Variants in BPIFA3 observed in about 807,000 individuals in gnomAD.
BPIFA3 encodes BPI fold containing family A member 3.
BPIFA3 carries 32 observed loss-of-function variants against 29.7 expected under a neutral mutation model. The observed-to-expected ratio is 1.08, with a 90% CI of 0.81 to 1.45. BPIFA3 has a LOEUF of 1.45. Among genes scored for constraint, BPIFA3 ranks in the 40% most tolerant of loss-of-function variants. BPIFA3 has a pLI of 0.00. For missense variants in BPIFA3, 323 were observed against 311.3 expected, an observed-to-expected ratio of 1.04 and a Z score of -0.28; for synonymous variants, 112 against 113.7, an observed-to-expected ratio of 0.98 and a Z score of 0.10.
chr20:33,226,767 T>A, intron 5 of BPIFA3, 163 bp from the exon 6 acceptor site: 1 of 718,598 alleles, frequency 1.4e-6, no homozygotes, highest in Non-Finnish European at 2.4e-6. Context: ...CGAAGTGTTG[T>A]GCATGACACT....
intron 2 of BPIFA3, 130 bp from the exon 3 acceptor site, chr20:33,224,225 T>C: frequency 2.3e-6 from 2 of 860,862 alleles, no homozygotes; most frequent in East Asian, 5.2e-5. Context: ...AGAGCATCTG[T>C]AAAAGAATCA....
chr20:33,220,914 T>TGTGG (rs1555792988), intron 1 of BPIFA3, among the ~76,000 whole-genome samples: 1 of 152,228 alleles, frequency 6.6e-6, no homozygotes, highest in Non-Finnish European at 1.5e-5. Flanking sequence ...GTAAATTTTC[T>TGTGG]GTGGGTTTTT....
chr20:33,225,179 C>G lies in BPIFA3; in HGVS notation c.468C>G (p.Gly156=). 6.2e-7 allele frequency: 1 copy of G among 1,614,124 alleles called. No homozygotes were observed. The highest frequency in any genetic ancestry group is 8.5e-7 in the Non-Finnish European group (1 of 1,180,016). The change falls in exon 4 of 7, where the codon GGC becomes GGG. Residue 156 remains glycine (G), a synonymous_variant. Transcript: ENST00000375454. ...VEFWLEKDEF[G]RRDLVIGKCD... is the part of the protein sequence containing the mutation. ...TCTGGCTGGAGAAAGACGAGTTTGG[C>G]CGGAGGGATCTGGTGATAGGCAAAT...
At chr20:33,223,756 C>T (rs1168544660) in intron 1 of BPIFA3, 55 bp from the exon 2 acceptor site, 10 of 1,569,630 alleles carry the variant, frequency 6.4e-6, no homozygotes, top group Non-Finnish European at 8.7e-6. Flanking sequence ...GAATCCCAAG[C>T]CCCCCACCTT....
intron 1 of BPIFA3, among the ~76,000 whole-genome samples, chr20:33,222,645 T>TGGAC (rs1985581127): frequency 6.8e-6 from 1 of 146,056 alleles, no homozygotes; most frequent in African/African-American, 2.7e-5. Context: ...AATGGATGGA[T>TGGAC]GGATGGATGG....
chr20:33,221,996 C>T (rs1430720214), intron 1 of BPIFA3, among the ~76,000 whole-genome samples: 1 of 152,174 alleles, frequency 6.6e-6, no homozygotes, highest in Non-Finnish European at 1.5e-5. Context: ...TGCAGTAACC[C>T]AGAGTTCTCA....
At chr20:33,223,740 G>A (rs1407224053) in intron 1 of BPIFA3, 71 bp from the exon 2 acceptor site, 10 of 1,541,968 alleles carry the variant, frequency 6.5e-6, no homozygotes, top group Admixed American at 1.8e-5. Context: ...TGCAACCCAG[G>A]CCTCCGAATC....
At position 33,223,928 on chromosome 20, in the gene BPIFA3, G is replaced by C. The variant is rs112370343; in HGVS notation, c.245G>C (p.Ser82Thr). The C allele has an allele frequency of 4.6e-5, 75 of 1,614,180 alleles. No individual in the cohort carries two copies. In the African/African-American group the frequency reaches 5.5e-4, roughly 12 times the overall value. Reference protein sequence around the residue: ...VAPGLVGWLISGRKHQQQQES... With the variant: ...VAPGLVGWLITGRKHQQQQES... ...CCAGGGCTGGTGGGCTGGCTAATCA[G>C]CGGCAGGAAACACCAGCAGCAGCAA... The change falls in exon 2 of 7, where the codon AGC becomes ACC. Residue 82 changes from serine to threonine, a missense_variant. Ser to Thr is a moderately conservative substitution (Grantham distance 58). Coordinates refer to ENST00000375454, the MANE Select transcript of BPIFA3 (RefSeq NM_178466.5).
chr20:33,225,070 C>G, intron 3 of BPIFA3, 28 bp from the exon 4 acceptor site: 1 of 1,607,408 alleles, frequency 6.2e-7, no homozygotes, highest in African/African-American at 1.3e-5. Context: ...TCCCCTTGCC[C>G]TTCCTCCTCT....
chr20:33,221,288 G>T (rs1006103355), intron 1 of BPIFA3, among the ~76,000 whole-genome samples: 1 of 151,928 alleles, frequency 6.6e-6, no homozygotes, highest in Non-Finnish European at 1.5e-5. Context: ...CCGAGTAGCT[G>T]GGATTACAGG....
chr20:33,224,114 A>G (rs748366277), intron 2 of BPIFA3, among the ~76,000 whole-genome samples, 153 bp downstream of exon 2: 48 of 152,172 alleles, frequency 3.2e-4, no homozygotes, highest in Non-Finnish European at 6.2e-4. Flanking sequence ...CACACAAGGA[A>G]CAGTGGGGGC....
At chr20:33,224,330 G>A (rs1985671376) in intron 2 of BPIFA3, 25 bp from the exon 3 acceptor site, 1 of 1,593,100 alleles carries the variant, frequency 6.3e-7, no homozygotes, top group East Asian at 2.2e-5. Flanking sequence ...CACCCTTGTG[G>A]GGCCTCTGCT....
Position 33,225,147 on chromosome 20 carries a change from G to T in BPIFA3, c.436G>T (p.Val146Leu), listed in dbSNP as rs1263288579. 8 of 1,614,018 alleles carry T rather than the reference G, an allele frequency of 5.0e-6. No homozygotes were observed. Among genetic ancestry groups the T allele is most frequent in the East Asian group, 2.2e-5 (1 of 44,890 alleles). Residue 146 changes from valine to leucine, a missense_variant, in exon 4 of 7, where the codon GTG (valine) becomes TTG (leucine). Val to Leu is a conservative substitution (Grantham distance 32). Coordinates refer to ENST00000375454, the MANE Select transcript of BPIFA3 (RefSeq NM_178466.5). ...VKMCAHMSIV[V>L]EFWLEKDEFG... ...GATGTGTGCACATATGAGCATCGTT[G>T]TGGAGTTCTGGCTGGAGAAAGACGA...
chr20:33,220,194 C>T (rs921663613), intron 1 of BPIFA3, among the ~76,000 whole-genome samples: 4 of 151,296 alleles, frequency 2.6e-5, no homozygotes, highest in Non-Finnish European at 5.9e-5. Flanking sequence ...GTCAGGAGAT[C>T]GAGACCATCC....
At chr20:33,223,728 C>T in intron 1 of BPIFA3, 83 bp from the exon 2 acceptor site, 2 of 1,498,176 alleles carry the variant, frequency 1.3e-6, no homozygotes, top group Non-Finnish European at 1.8e-6. Context: ...CTTGCACCAG[C>T]CTGCAACCCA....
At chr20:33,225,358 TC>T in intron 4 of BPIFA3, 111 bp downstream of exon 4, 2 of 1,450,778 alleles carry the variant, frequency 1.4e-6, no homozygotes, top group Non-Finnish European at 1.9e-6. Context: ...ATCTCATCCT[TC>T]CCCCGGGATC....
intron 1 of BPIFA3, among the ~76,000 whole-genome samples, chr20:33,219,876 G>T (rs6059164): frequency 0.12 from 17,751 of 151,894 alleles, 3,501 homozygotes; most frequent in African/African-American, 0.41. Context: ...GTGGGAAATC[G>T]CTTGAGCCTA....
intron 4 of BPIFA3, 162 bp downstream of exon 4, chr20:33,225,409 A>G: frequency 1.0e-6 from 1 of 953,186 alleles, no homozygotes; most frequent in East Asian, 2.7e-5. Flanking sequence ...TGACCCTACC[A>G]CCCTCCCAGA....
intron 6 of BPIFA3, 93 bp from the exon 7 acceptor site, chr20:33,227,445 C>G: frequency 9.2e-7 from 1 of 1,082,154 alleles, no homozygotes; most frequent in African/African-American, 1.6e-5. Context: ...CGGCACCTGC[C>G]TTTGGTCACC....
Sources: gnomAD v4.1 joint callset for allele counts (sites outside exome capture counted in the v4.1 genomes callset) on GRCh38, gnomAD v4.1.1 for gene constraint, MANE v1.5 for transcripts, NCBI Gene and HGNC (gene_info 2026-07-23, HGNC 2026-07-21) for gene names.